Variants in USP49 observed in about 807,000 individuals in gnomAD.
USP49 encodes ubiquitin carboxyl-terminal hydrolase 49.
Under a neutral mutation model 58.6 loss-of-function variants are expected in USP49, and 24 were observed. The ratio of observed to expected loss-of-function variants is 0.41; its 90% CI spans 0.30 to 0.58. The LOEUF (loss-of-function observed/expected upper bound fraction) is 0.58, where lower values mean the gene tolerates loss of function less well. Among genes scored for constraint, USP49 ranks in the 20% least tolerant of loss-of-function variants. USP49 has a pLI of 0.30. For synonymous variants in USP49, 408 were observed against 365.1 expected, an observed-to-expected ratio of 1.12 and a Z score of -1.34; for missense variants, 703 against 866.1, an observed-to-expected ratio of 0.81 and a Z score of 2.36.
At chr6:41,804,062 T>C in intron 4 of USP49, 52 bp from the exon 5 acceptor site, 3 of 1,554,866 alleles carry the variant, frequency 1.9e-6, no homozygotes, top group Non-Finnish European at 1.8e-6. Context: ...GCTTCCTGTG[T>C]ACAGTTTTAC....
intron 2 of USP49, among the ~76,000 whole-genome samples, chr6:41,881,315 A>AAAAAAAAAAAAC (rs1484242567): frequency 7.8e-6 from 1 of 128,098 alleles, no homozygotes; most frequent in African/African-American, 2.7e-5. Context: ...AAAAAAAAAA[A>AAAAAAAAAAAAC]AAAAGCCCAG....
Position 41,804,004 on chromosome 6 carries a change from A to C in USP49, c.1363T>G (p.Cys455Gly). Residue 455 changes from cysteine to glycine, a missense_variant, in exon 5 of 8, where the codon TGT (cysteine) becomes GGT (glycine). By Grantham distance (159) the Cys-to-Gly change is radical. Around this residue, in one of 6 missense-constraint regions of USP49, gnomAD observed 158 missense variants for 241.2 expected, o/e 0.66. Transcript: ENST00000682992. The stretch of plus-strand genomic sequence containing the variant: ...TTGGATTTGTAATTGCATGATATAC[A>C]TGTGACCTAGAATGAAAAGATTGAT... ...FHGQLLSQVTCISCNYKSNTI... is the reference protein window; with the variant it reads ...FHGQLLSQVTGISCNYKSNTI... 1 of 1,613,942 alleles carries C rather than the reference A, an allele frequency of 6.2e-7. No individual in the cohort carries two copies.
In USP49 at chr6:41,833,013, CTTTTTTCTTTT is replaced by C. The variant is rs542926018; in HGVS notation, c.-28-26013_-28-26003del. On this transcript the variant is annotated intron_variant, in intron 3 of 7. Coordinates refer to ENST00000682992, the MANE Select transcript of USP49 (RefSeq NM_001286554.2). ...ACAGTATTTCTTTTTTTCTTTCTTT[CTTTTTTCTTTT>C]TTTTTTTTTTGAGACAGAGTCTCGC... The C allele has an allele frequency of 4.0e-3, 592 of 147,630 alleles. 4 individuals carry two copies. The highest frequency in any genetic ancestry group is 0.014 in the African/African-American group (572 of 40,456). The allele number at this position is 147,630 out of a possible 1,614,324, so 9.1% of individuals were successfully genotyped here.
At chr6:41,804,634 T>C (rs565676758) in intron 4 of USP49, among the ~76,000 whole-genome samples, 1 of 152,276 alleles carries the variant, frequency 6.6e-6, no homozygotes, top group East Asian at 1.9e-4. Flanking sequence ...AAACTTTCCC[T>C]TTCCATCCCA....
intron 2 of USP49, among the ~76,000 whole-genome samples, chr6:41,872,111 T>C (rs1774420842): frequency 6.6e-6 from 1 of 152,250 alleles, no homozygotes; most frequent in Non-Finnish European, 1.5e-5. Context: ...GGCATGCTTC[T>C]TTAAAAGCGG....
chr6:41,822,920 T>G (rs1471046701), intron 3 of USP49, among the ~76,000 whole-genome samples: 1 of 151,794 alleles, frequency 6.6e-6, no homozygotes, highest in East Asian at 1.9e-4. Flanking sequence ...GTTAAATAAA[T>G]ACAGAAGGAG....
intron 1 of USP49, among the ~76,000 whole-genome samples, chr6:41,893,258 A>G (rs1774838947): frequency 6.6e-6 from 1 of 152,164 alleles, no homozygotes; most frequent in African/African-American, 2.4e-5. Flanking sequence ...GTGAGTTACC[A>G]ACTACAGCAT....
intron 3 of USP49, 80 bp from the exon 4 acceptor site, chr6:41,807,091 A>G: frequency 7.8e-7 from 1 of 1,284,882 alleles, no homozygotes. Context: ...AAAAAAAAAA[A>G]AAGTAAAAGG....
rs1394507753 is a variant in USP49, at chr6:41,884,585, C to T, written c.-103+7209G>A. Among the ~76,000 whole-genome samples, 6 of 152,260 alleles carry T rather than the reference C, an allele frequency of 3.9e-5. No individual in the cohort carries two copies. The East Asian group carries it at 1.2e-3, about 29-fold the overall frequency. ...AATAGACATGGGAATGAGGGCTGAA[C>T]AGAAGGCCTTTGTACACCAAAGCTA... On this transcript the variant is annotated intron_variant, in intron 2 of 7. Transcript: ENST00000682992.
At chr6:41,862,765 A>G (rs1774245043) in intron 3 of USP49, among the ~76,000 whole-genome samples, 1 of 152,052 alleles carries the variant, frequency 6.6e-6, no homozygotes, top group Non-Finnish European at 1.5e-5. Flanking sequence ...CACACTTAAT[A>G]TTTATTTTGT....
At chr6:41,854,674 A>G (rs1046174403) in intron 3 of USP49, among the ~76,000 whole-genome samples, 1 of 152,200 alleles carries the variant, frequency 6.6e-6, no homozygotes, top group Non-Finnish European at 1.5e-5. Context: ...GTGTGTGTGC[A>G]TGTAAGTGTA....
At chr6:41,877,929 T>C (rs1030248662) in intron 2 of USP49, among the ~76,000 whole-genome samples, 1 of 152,236 alleles carries the variant, frequency 6.6e-6, no homozygotes. Context: ...CTAACATTTA[T>C]AAAATTCTTT....
chr6:41,836,666 T>C (rs1773732809), intron 3 of USP49, among the ~76,000 whole-genome samples: 1 of 151,980 alleles, frequency 6.6e-6, no homozygotes, highest in Non-Finnish European at 1.5e-5. Context: ...AAATACAAAA[T>C]ACAAAATAAT....
chr6:41,843,348 C>T (rs1341625918), intron 3 of USP49, among the ~76,000 whole-genome samples: 7 of 151,978 alleles, frequency 4.6e-5, no homozygotes, highest in Non-Finnish European at 7.4e-5. Flanking sequence ...ATTTGTTTTA[C>T]GTATTTTGTA....
At chr6:41,842,319 G>A (rs973051343) in intron 3 of USP49, among the ~76,000 whole-genome samples, 1 of 151,862 alleles carries the variant, frequency 6.6e-6, no homozygotes, top group Non-Finnish European at 1.5e-5. Context: ...GTTGCAGTGA[G>A]CCGAGATCAT....
In USP49 at chr6:41,829,160, G is replaced by T. The variant is rs191667458; in HGVS notation, c.-28-22149C>A. 5.4e-3 allele frequency among the ~76,000 whole-genome samples: 823 copies of T among 152,148 alleles called. 8 individuals carry two copies. The highest frequency in any genetic ancestry group is 8.6e-3 in the Non-Finnish European group (585 of 68,004). On this transcript the variant is annotated intron_variant, in intron 3 of 7. Coordinates refer to ENST00000682992, the MANE Select transcript of USP49 (RefSeq NM_001286554.2). ...GGAATGTGATTGATTTCTGTATTAG[G>T]TTTAATCATATGAAACTGCAAATAA... is the stretch of plus-strand genomic sequence containing the variant.
intron 3 of USP49, among the ~76,000 whole-genome samples, chr6:41,862,430 A>AT (rs1025215057): frequency 2.6e-5 from 4 of 152,010 alleles, no homozygotes; most frequent in Admixed American, 2.6e-4. Flanking sequence ...ATATTGATCT[A>AT]TTTTTTCTTT....
intron 5 of USP49, among the ~76,000 whole-genome samples, chr6:41,802,407 TTTTTA>T (rs1226537417): frequency 3.5e-4 from 27 of 76,090 alleles, no homozygotes; most frequent in Admixed American, 6.8e-4. Context: ...TTTATTTTAT[TTTTTA>T]TTTTATTTTA....
rs1772883374 is a variant in USP49 at position 41,796,225 on chromosome 6, G to T, written c.*308C>A. 2 of 277,880 alleles carry T rather than the reference G, an allele frequency of 7.2e-6. No individual in the cohort carries two copies. The highest frequency in any genetic ancestry group is 1.4e-5 in the Non-Finnish European group (2 of 144,098). The allele number at this position is 277,880 out of a possible 1,614,324, so 17.2% of individuals were successfully genotyped here. Reference sequence around the variant, plus strand: ...GAAAACATGGCTGCTCTCCTGTGTGGATATGATTGATTTACCCCCCCGCCC... The same window carrying T: ...GAAAACATGGCTGCTCTCCTGTGTGTATATGATTGATTTACCCCCCCGCCC... On this transcript the variant is annotated 3_prime_UTR_variant, in exon 8 of 8. Coordinates refer to ENST00000682992, the MANE Select transcript of USP49 (RefSeq NM_001286554.2).
Sources: allele counts gnomAD v4.1 joint callset (sites outside exome capture counted in the v4.1 genomes callset), GRCh38; gene constraint gnomAD v4.1.1; regional missense constraint gnomAD v4.1.1; transcripts MANE v1.5; gene names NCBI Gene and HGNC (gene_info 2026-07-23, HGNC 2026-07-21).